Variants in MACROD2 observed in about 807,000 individuals in gnomAD.
MACROD2 encodes ADP-ribose glycohydrolase MACROD2.
A neutral mutation model predicts 70.4 loss-of-function variants in MACROD2; 36 were observed. The ratio of observed to expected loss-of-function variants is 0.51; its 90% CI spans 0.39 to 0.68. The LOEUF (loss-of-function observed/expected upper bound fraction) is 0.68. Ranked by LOEUF, MACROD2 falls within the 30% of genes least tolerant of loss-of-function variation. The pLI, the probability that MACROD2 is intolerant of heterozygous loss-of-function variation, is 0.00. For missense variants in MACROD2, 496 were observed against 538.4 expected, an observed-to-expected ratio of 0.92 and a Z score of 0.78; for synonymous variants, 172 against 178.8, an observed-to-expected ratio of 0.96 and a Z score of 0.30.
chr20:15,499,722 C>T lies in MACROD2; in HGVS notation c.572-52C>T, dbSNP rs1262463445. The stretch of plus-strand genomic sequence containing the variant: ...CAGTATCATAGCGTGATTAGCCTCC[C>T]TTTTGCCTTCATCTTTCGTTGTTCA... On this transcript the variant is annotated intron_variant, in intron 7 of 17. Transcript: ENST00000684519. The T allele has an allele frequency of 3.2e-6, 5 of 1,557,110 alleles. No individual in the cohort carries two copies. In the Admixed American group the frequency reaches 8.4e-5, roughly 26 times the overall value.
intron 3 of MACROD2, among the ~76,000 whole-genome samples, chr20:14,484,727 T>G (rs1014810157): frequency 6.6e-6 from 1 of 152,196 alleles, no homozygotes; most frequent in African/African-American, 2.4e-5. Context: ...TCCCTTAACA[T>G]AATGATCTCC....
intron 4 of MACROD2, among the ~76,000 whole-genome samples, chr20:14,639,491 C>T (rs2123487902): frequency 6.6e-6 from 1 of 152,246 alleles, no homozygotes; most frequent in African/African-American, 2.4e-5. Context: ...TTAATCACCC[C>T]ATAATCTCCA....
intron 13 of MACROD2, among the ~76,000 whole-genome samples, chr20:15,979,842 G>A (rs935961555): frequency 9.9e-5 from 15 of 152,104 alleles, no homozygotes; most frequent in Admixed American, 9.8e-4. Context: ...GCTGTATTTA[G>A]TATGTGTCCT....
intron 8 of MACROD2, among the ~76,000 whole-genome samples, chr20:15,704,056 C>T (rs567195084): frequency 1.3e-5 from 2 of 152,334 alleles, no homozygotes; most frequent in East Asian, 3.9e-4. Context: ...CTGACACCAT[C>T]TTGGAGCCAC....
chr20:15,740,418 A>G (rs1396637023), intron 8 of MACROD2, among the ~76,000 whole-genome samples: 5 of 152,204 alleles, frequency 3.3e-5, no homozygotes, highest in Non-Finnish European at 5.9e-5. Context: ...GAGAGAGAAG[A>G]CAGATACACC....
intron 15 of MACROD2, among the ~76,000 whole-genome samples, chr20:15,992,110 A>C (rs1199744364): frequency 1.3e-5 from 2 of 152,172 alleles, no homozygotes; most frequent in African/African-American, 4.8e-5. Flanking sequence ...TTCTTGCTAC[A>C]ATAATGATGT....
At chr20:15,399,687 T>C (rs1289533728) in intron 6 of MACROD2, among the ~76,000 whole-genome samples, 1 of 152,242 alleles carries the variant, frequency 6.6e-6, no homozygotes, top group Non-Finnish European at 1.5e-5. Flanking sequence ...ATTAGTAGTC[T>C]GAGTGGTTGT....
Position 14,447,940 on chromosome 20 carries a change from A to C in MACROD2, c.272-45539A>C, listed in dbSNP as rs145596977. Reference sequence around the variant, plus strand: ...CCATGTCACCGGAGTTACAATCAAAAGAGGACAGTAGAAGAGCACTTGAGA... The same window carrying C: ...CCATGTCACCGGAGTTACAATCAAACGAGGACAGTAGAAGAGCACTTGAGA... On this transcript the variant is annotated intron_variant, in intron 3 of 17. Transcript: ENST00000684519. 7.0e-4 allele frequency among the ~76,000 whole-genome samples: 105 copies of C among 151,054 alleles called. 2 individuals carry two copies. In the East Asian group the frequency reaches 0.019, roughly 28 times the overall value.
intron 6 of MACROD2, among the ~76,000 whole-genome samples, chr20:15,406,256 A>G (rs936678775): frequency 1.3e-5 from 2 of 152,204 alleles, no homozygotes; most frequent in African/African-American, 2.4e-5. Context: ...GTGCTCAGGG[A>G]AAGTGTCCAG....
At chr20:15,991,261 G>A (rs568058549) in intron 15 of MACROD2, among the ~76,000 whole-genome samples, 1 of 152,272 alleles carries the variant, frequency 6.6e-6, no homozygotes, top group East Asian at 1.9e-4. Flanking sequence ...CTCTGGCTAC[G>A]ATTTCATCTT....
chr20:14,302,627 T>C (rs2082485196), intron 3 of MACROD2, among the ~76,000 whole-genome samples: 1 of 152,100 alleles, frequency 6.6e-6, no homozygotes, highest in South Asian at 2.1e-4. Context: ...TTCTTGCTTA[T>C]GTTAGAATTC....
chr20:14,059,775 GATAA>G (rs1211195646), intron 2 of MACROD2, among the ~76,000 whole-genome samples: 3 of 152,154 alleles, frequency 2.0e-5, no homozygotes, highest in Non-Finnish European at 2.9e-5. Flanking sequence ...ACGCAGAACA[GATAA>G]ATAGATGAGC....
chr20:15,220,090 T>G (rs2076845939), intron 5 of MACROD2, among the ~76,000 whole-genome samples: 1 of 151,952 alleles, frequency 6.6e-6, no homozygotes, highest in African/African-American at 2.4e-5. Flanking sequence ...TCTTCCATAG[T>G]GCAGTCATTA....
Position 15,317,810 on chromosome 20 carries a change from C to A in MACROD2, c.540+87749C>A, listed in dbSNP as rs566178106. Among the ~76,000 whole-genome samples the A allele has an allele frequency of 2.6e-5, 4 of 151,896 alleles. No homozygotes were observed. The South Asian group carries it at 6.2e-4, about 24-fold the overall frequency. On this transcript the variant is annotated intron_variant, in intron 6 of 17. Transcript: ENST00000684519. ...GAGGTTTTCAGTTAACTGGTTGAAG[C>A]CCAAGCACATTAGGGAGGAAGGACA...
At chr20:14,909,693 G>A (rs986765809) in intron 5 of MACROD2, among the ~76,000 whole-genome samples, 2 of 151,956 alleles carry the variant, frequency 1.3e-5, no homozygotes, top group Non-Finnish European at 2.9e-5. Context: ...ACTAGTCAAT[G>A]AATGACCCAT....
chr20:14,533,741 A>G (rs1237890000), intron 4 of MACROD2, among the ~76,000 whole-genome samples: 2 of 152,326 alleles, frequency 1.3e-5, no homozygotes, highest in South Asian at 2.1e-4. Flanking sequence ...TACTACAATC[A>G]TCACTTTCTT....
chr20:15,383,944 AT>A (rs562960966), intron 6 of MACROD2, among the ~76,000 whole-genome samples: 22 of 151,402 alleles, frequency 1.5e-4, no homozygotes, highest in Non-Finnish European at 2.4e-4. Flanking sequence ...CAATTCAGCT[AT>A]TTTTTTTTCT....
At chr20:14,093,636 C>T (rs2054182517) in intron 3 of MACROD2, among the ~76,000 whole-genome samples, 1 of 150,542 alleles carries the variant, frequency 6.6e-6, no homozygotes, top group Non-Finnish European at 1.5e-5. Flanking sequence ...TCAAATGCTG[C>T]CTAAATAGAG....
intron 3 of MACROD2, among the ~76,000 whole-genome samples, chr20:14,275,966 G>A (rs906020686): frequency 5.9e-5 from 9 of 152,148 alleles, no homozygotes; most frequent in African/African-American, 4.8e-5. Flanking sequence ...ATCATTAAAA[G>A]TCAGGAAACA....
Sources: gnomAD v4.1 joint callset for allele counts (sites outside exome capture counted in the v4.1 genomes callset) on GRCh38, gnomAD v4.1.1 for gene constraint, MANE v1.5 for transcripts, NCBI Gene and HGNC (gene_info 2026-07-23, HGNC 2026-07-21) for gene names.